The following NRG1 variants were observed in gnomAD, a reference collection of about 807,000 sequenced individuals.
The protein encoded by NRG1 is neuregulin 1.
Under a neutral mutation model 63.8 loss-of-function variants are expected in NRG1, and 18 were observed. The observed-to-expected ratio is 0.28, with a 90% CI of 0.19 to 0.42. The LOEUF (loss-of-function observed/expected upper bound fraction) is 0.42. Among genes scored for constraint, NRG1 ranks in the 10% least tolerant of loss-of-function variants. The pLI is 1.00. For missense variants in NRG1, 762 were observed against 814.7 expected (o/e 0.94, Z 0.79); for synonymous variants, 302 against 301.3 (o/e 1.00, Z -0.02).
intron 1 of NRG1, among the ~76,000 whole-genome samples, chr8:31,675,527 A>C (rs1311096830): frequency 6.6e-6 from 1 of 152,178 alleles, no homozygotes; most frequent in African/African-American, 2.4e-5. Context: ...TTCCCTACTG[A>C]ATTGACATGG....
chr8:32,093,975 C>G (rs1829548712), intron 1 of NRG1, among the ~76,000 whole-genome samples: 1 of 152,176 alleles, frequency 6.6e-6, no homozygotes, highest in South Asian at 2.1e-4. Context: ...GAAAGCAGAG[C>G]TTCCCTCTTA....
At chr8:32,520,224 A>G (rs1588090758) in intron 1 of NRG1, among the ~76,000 whole-genome samples, 1 of 152,156 alleles carries the variant, frequency 6.6e-6, no homozygotes, top group East Asian at 1.9e-4. Flanking sequence ...GCAGTGGCTC[A>G]GATTTCAGCT....
chr8:32,247,980 TA>T (rs1234643713), intron 1 of NRG1, among the ~76,000 whole-genome samples: 3 of 152,112 alleles, frequency 2.0e-5, no homozygotes, highest in Non-Finnish European at 4.4e-5. Context: ...TGAAATCTTA[TA>T]AATGAATTCA....
At chr8:32,671,841 C>T (rs1461956592) in intron 5 of NRG1, among the ~76,000 whole-genome samples, 1 of 152,036 alleles carries the variant, frequency 6.6e-6, no homozygotes, top group Non-Finnish European at 1.5e-5. Flanking sequence ...GTGACATAAA[C>T]ATATTTATGT....
At chr8:32,332,679 G>T (rs58134167) in intron 1 of NRG1, among the ~76,000 whole-genome samples, 14,510 of 152,084 alleles carry the variant, frequency 0.095, 956 homozygotes, top group African/African-American at 0.18. Flanking sequence ...ATAGAGAATT[G>T]AATACATTTT....
rs1585566405 is a variant in NRG1 at position 32,136,376 on chromosome 8, C to T, written c.38-459452C>T. Among the ~76,000 whole-genome samples the T allele has an allele frequency of 2.0e-5, 3 of 152,292 alleles. No homozygotes were observed. In the South Asian group the frequency reaches 6.2e-4, roughly 32 times the overall value. On this transcript the variant is annotated intron_variant, in intron 1 of 10. Transcript: ENST00000519301. ...ACAAATGCAAACACTTCAACCACTG[C>T]TATTGTCATAAAGTCCGTGGTCTCT...
intron 6 of NRG1, 149 bp downstream of exon 6, chr8:32,728,227 C>A: frequency 6.9e-7 from 1 of 1,449,744 alleles, no homozygotes; most frequent in East Asian, 2.5e-5. Flanking sequence ...TTAAAACATT[C>A]ACACCATTCG....
intron 1 of NRG1, among the ~76,000 whole-genome samples, chr8:31,802,173 G>T (rs181697079): frequency 3.3e-5 from 5 of 152,094 alleles, no homozygotes; most frequent in African/African-American, 4.8e-5. Flanking sequence ...GCTTTTAGTC[G>T]TCTATTACCC....
intron 1 of NRG1, among the ~76,000 whole-genome samples, chr8:32,004,534 G>C (rs1469308835): frequency 6.6e-6 from 1 of 151,672 alleles, no homozygotes; most frequent in Non-Finnish European, 1.5e-5. Context: ...GAATACATGA[G>C]AACTCTGTGC....
intron 1 of NRG1, among the ~76,000 whole-genome samples, chr8:32,415,365 C>CAAAAA (rs5890647): frequency 2.6e-5 from 3 of 115,262 alleles, no homozygotes; most frequent in African/African-American, 3.5e-5. Context: ...GACTCTGTCT[C>CAAAAA]AAAAAAAAAA....
chr8:31,997,384 C>A (rs1002408708), intron 1 of NRG1, among the ~76,000 whole-genome samples: 3 of 151,802 alleles, frequency 2.0e-5, no homozygotes, highest in Admixed American at 2.0e-4. Flanking sequence ...CAAATTTGTC[C>A]TGTCCTTCTT....
chr8:32,394,401 T>C (rs1339692515), intron 1 of NRG1, among the ~76,000 whole-genome samples: 1 of 152,244 alleles, frequency 6.6e-6, no homozygotes, highest in Non-Finnish European at 1.5e-5. Context: ...AGCCACGTTT[T>C]ATCTACGTCT....
Position 32,243,288 on chromosome 8 carries a change from G to A in NRG1, c.38-352540G>A, listed in dbSNP as rs554403257. 5.4e-4 allele frequency among the ~76,000 whole-genome samples: 82 copies of A among 152,098 alleles called. 1 individual carries two copies. Among genetic ancestry groups the A allele is most frequent in the African/African-American group, 1.9e-3 (78 of 41,482 alleles). On this transcript the variant is annotated intron_variant, in intron 1 of 10. Transcript: ENST00000519301. ...ATAATACAAAAATTAGCTAGGTATG[G>A]TGGTGCATGCCTATAGTTCCAGCTA...
chr8:32,302,580 C>T (rs955014219), intron 1 of NRG1, among the ~76,000 whole-genome samples: 28 of 139,454 alleles, frequency 2.0e-4, no homozygotes, highest in African/African-American at 7.3e-4. Flanking sequence ...TATAATGCAT[C>T]CTTCTGGCAA....
At chr8:31,852,141 G>C (rs1215369250) in intron 1 of NRG1, among the ~76,000 whole-genome samples, 1 of 152,036 alleles carries the variant, frequency 6.6e-6, no homozygotes, top group Non-Finnish European at 1.5e-5. Context: ...GGATGGCTGG[G>C]TCAAATGGTA....
intron 1 of NRG1, among the ~76,000 whole-genome samples, chr8:32,488,092 A>G (rs1826122764): frequency 3.3e-5 from 5 of 152,080 alleles, no homozygotes; most frequent in Admixed American, 3.3e-4. Flanking sequence ...TTTCTTCTCT[A>G]TTGTGCCTTG....
chr8:32,067,414 G>A (rs1342671418), intron 1 of NRG1, among the ~76,000 whole-genome samples: 2 of 152,136 alleles, frequency 1.3e-5, no homozygotes, highest in East Asian at 3.9e-4. Flanking sequence ...GTTGAAGTTT[G>A]TCAAAGGCCT....
At chr8:32,088,366 A>T (rs1315899682) in intron 1 of NRG1, among the ~76,000 whole-genome samples, 1 of 152,214 alleles carries the variant, frequency 6.6e-6, no homozygotes, top group Non-Finnish European at 1.5e-5. Flanking sequence ...AGTGGATTAT[A>T]TGGGTAAACA....
intron 1 of NRG1, among the ~76,000 whole-genome samples, chr8:32,549,483 T>C (rs1833723069): frequency 6.6e-6 from 1 of 152,214 alleles, no homozygotes; most frequent in Non-Finnish European, 1.5e-5. Flanking sequence ...GTGTCAGGAA[T>C]CAGCTCTGCC....
Sources: gnomAD v4.1 joint callset for allele counts (sites outside exome capture counted in the v4.1 genomes callset) on GRCh38, gnomAD v4.1.1 for gene constraint, MANE v1.5 for transcripts, NCBI Gene and HGNC (gene_info 2026-07-23, HGNC 2026-07-21) for gene names.